Variants in XKR6 observed in about 807,000 individuals in gnomAD.
XKR6 encodes the protein XK-related protein 6.
XKR6 carries 22 observed loss-of-function variants against 56.7 expected under a neutral mutation model. The observed-to-expected ratio is 0.39, with a 90% CI of 0.28 to 0.55. The LOEUF is 0.55. Ranked by LOEUF, XKR6 falls within the 20% of genes least tolerant of loss-of-function variation. The pLI is 0.66. For synonymous variants in XKR6, 524 were observed against 387.8 expected (o/e 1.35, Z -4.13); for missense variants, 852 against 889.0 (o/e 0.96, Z 0.53).
At chr8:11,056,486 G>A (rs543682598) in intron 1 of XKR6, among the ~76,000 whole-genome samples, 1 of 152,146 alleles carries the variant, frequency 6.6e-6, no homozygotes, top group Non-Finnish European at 1.5e-5. Flanking sequence ...CTGTGCACAT[G>A]GCAGGCTCTT....
chr8:11,118,631 A>G (rs2129182612), intron 1 of XKR6, among the ~76,000 whole-genome samples: 1 of 152,182 alleles, frequency 6.6e-6, no homozygotes, highest in Admixed American at 6.5e-5. Context: ...GGTAGTTTGT[A>G]TTTCTGTGGG....
In XKR6 at chr8:10,898,573, T is replaced by A; in HGVS notation, c.1305A>T (p.Glu435Asp). Reference sequence around the variant, plus strand: ...CAAACATTCGATATCGAGTCCGCCCTTCCTTGACGTTAAACCAGCAGAAAA... The same window carrying A: ...CAAACATTCGATATCGAGTCCGCCCATCCTTGACGTTAAACCAGCAGAAAA... ...VYIFCWFNVKEGRTRYRMFAY... is the reference protein window; with the variant it reads ...VYIFCWFNVKDGRTRYRMFAY... The change falls in exon 3 of 3, where the codon GAA becomes GAT. Residue 435 changes from glutamate (E) to aspartate (D), a missense_variant. Coordinates refer to ENST00000416569, the MANE Select transcript of XKR6 (RefSeq NM_173683.4). The surrounding 1 kb of genome is among the most constrained non-coding windows in gnomAD (Gnocchi z 6.6). 1 of 1,614,158 alleles carries A rather than the reference T, an allele frequency of 6.2e-7. No homozygotes were observed. The highest frequency in any genetic ancestry group is 8.5e-7 in the Non-Finnish European group (1 of 1,180,024).
intron 1 of XKR6, among the ~76,000 whole-genome samples, chr8:10,954,520 T>C (rs1801816699): frequency 6.6e-6 from 1 of 152,204 alleles, no homozygotes; most frequent in Admixed American, 6.5e-5. Context: ...TTCTCTTTAT[T>C]ATTGAGTAGG....
chr8:11,191,573 CT>C (rs1392111312), intron 1 of XKR6, among the ~76,000 whole-genome samples: 1 of 152,040 alleles, frequency 6.6e-6, no homozygotes, highest in Non-Finnish European at 1.5e-5. Flanking sequence ...AATTCAGCCC[CT>C]AGATGCAACT....
chr8:10,989,354 C>G (rs1180845214), intron 1 of XKR6, among the ~76,000 whole-genome samples: 1 of 152,206 alleles, frequency 6.6e-6, no homozygotes, highest in Non-Finnish European at 1.5e-5. Flanking sequence ...AAGGGCCATT[C>G]CATGGTGATT....
intron 1 of XKR6, among the ~76,000 whole-genome samples, chr8:11,033,232 ATGG>A (rs1273346921): frequency 1.3e-5 from 2 of 151,214 alleles, no homozygotes; most frequent in Admixed American, 1.3e-4. Context: ...TACGATGGTG[ATGG>A]TGGTGGTGAC....
At chr8:11,195,569 T>G (rs890505671) in intron 1 of XKR6, among the ~76,000 whole-genome samples, 1 of 152,142 alleles carries the variant, frequency 6.6e-6, no homozygotes, top group Non-Finnish European at 1.5e-5. Context: ...TCTTCAAAGT[T>G]TTTTTTGACT....
chr8:11,017,471 G>A (rs966696586), intron 1 of XKR6, among the ~76,000 whole-genome samples: 7 of 151,954 alleles, frequency 4.6e-5, no homozygotes, highest in African/African-American at 1.7e-4. Context: ...CAGTTTGAGC[G>A]CAGCTCCAGG....
chr8:11,167,997 C>A (rs1802173692), intron 1 of XKR6, among the ~76,000 whole-genome samples: 1 of 149,102 alleles, frequency 6.7e-6, no homozygotes, highest in East Asian at 2.0e-4. Context: ...ATAATCCCTA[C>A]AAAAATAGTT....
intron 1 of XKR6, among the ~76,000 whole-genome samples, chr8:11,046,665 G>A (rs977491391): frequency 6.6e-6 from 1 of 152,128 alleles, no homozygotes; most frequent in Non-Finnish European, 1.5e-5. Flanking sequence ...AAGATGTAGT[G>A]CTAAGTGAAA....
intron 1 of XKR6, among the ~76,000 whole-genome samples, chr8:11,129,200 A>G (rs533825077): frequency 4.6e-5 from 7 of 152,330 alleles, no homozygotes; most frequent in Admixed American, 1.3e-4. Flanking sequence ...TCAACATTGT[A>G]AACATACTCT....
intron 1 of XKR6, among the ~76,000 whole-genome samples, chr8:11,114,677 T>C (rs1799073320): frequency 2.6e-5 from 4 of 151,872 alleles, no homozygotes; most frequent in South Asian, 2.1e-4. Flanking sequence ...TTATTTTTAA[T>C]AGAGTTAAAT....
chr8:11,099,714 G>GA (rs1346485098), intron 1 of XKR6, among the ~76,000 whole-genome samples: 1 of 152,182 alleles, frequency 6.6e-6, no homozygotes, highest in African/African-American at 2.4e-5. Context: ...TCTAGGTCTT[G>GA]AAAAAACAGC....
At chr8:11,102,184 C>G (rs1341838871) in intron 1 of XKR6, among the ~76,000 whole-genome samples, 1 of 152,172 alleles carries the variant, frequency 6.6e-6, no homozygotes, top group Non-Finnish European at 1.5e-5. Flanking sequence ...TTTTCCCCTG[C>G]AAGTTCGTCT....
intron 1 of XKR6, among the ~76,000 whole-genome samples, chr8:11,140,679 C>T (rs1185887889): frequency 1.3e-5 from 2 of 151,950 alleles, no homozygotes; most frequent in African/African-American, 2.4e-5. Flanking sequence ...GGGTGGGTCA[C>T]GAGGTCAGGA....
intron 1 of XKR6, among the ~76,000 whole-genome samples, chr8:11,086,124 TA>T (rs1454483420): frequency 8.3e-6 from 1 of 120,930 alleles, no homozygotes; most frequent in East Asian, 2.0e-4. Context: ...TGTGTTTTTT[TA>T]AAAAGAAAAT....
intron 1 of XKR6, among the ~76,000 whole-genome samples, chr8:11,044,870 G>A (rs143141546): frequency 0.063 from 9,559 of 151,726 alleles, 314 homozygotes; most frequent in Non-Finnish European, 0.075. Context: ...CACCCAACTC[G>A]GCCTCCCAAA....
chr8:11,057,540 T>C (rs1156927593), intron 1 of XKR6, among the ~76,000 whole-genome samples: 4 of 152,236 alleles, frequency 2.6e-5, no homozygotes, highest in African/African-American at 4.8e-5. Flanking sequence ...GTAAGTGTTT[T>C]GCCCTCATTT....
At chr8:11,193,747 C>T (rs2409729) in intron 1 of XKR6, among the ~76,000 whole-genome samples, 5 of 136,786 alleles carry the variant, frequency 3.7e-5, no homozygotes, top group Non-Finnish European at 6.3e-5. Context: ...GACCCCCCCC[C>T]CCCCACAAAA....
Sources: gnomAD v4.1 joint callset for allele counts (sites outside exome capture counted in the v4.1 genomes callset) on GRCh38, gnomAD v4.1.1 for gene constraint, Gnocchi (gnomAD v3.1) non-coding constraint, MANE v1.5 for transcripts, NCBI Gene and HGNC (gene_info 2026-07-23, HGNC 2026-07-21) for gene names.